Variants in SLC1A4 observed in about 807,000 individuals in gnomAD.
SLC1A4 encodes the protein neutral amino acid transporter A.
In SLC1A4, 19 loss-of-function variants were observed where a neutral mutation model predicts 37.7. The ratio of observed to expected loss-of-function variants is 0.50; its 90% CI spans 0.35 to 0.74. The LOEUF is 0.74. Among genes scored for constraint, SLC1A4 ranks in the 30% least tolerant of loss-of-function variants. The pLI, the probability that SLC1A4 is intolerant of heterozygous loss-of-function variation, is 0.01. For synonymous variants in SLC1A4, 299 were observed against 309.8 expected (o/e 0.97, Z 0.37); for missense variants, 570 against 712.9 (o/e 0.80, Z 2.28).
At chr2:65,004,208 A>G (rs1352245484) in intron 3 of SLC1A4, among the ~76,000 whole-genome samples, 193 bp downstream of exon 3, 5 of 152,186 alleles carry the variant, frequency 3.3e-5, no homozygotes, top group Admixed American at 6.5e-5. Flanking sequence ...AAAGCACTAC[A>G]ATCCTCAGAG....
At position 65,018,737 on chromosome 2, in the gene SLC1A4, T is replaced by C; in HGVS notation, c.1364+58T>C. The C allele has an allele frequency of 5.0e-6, 8 of 1,596,158 alleles. No homozygotes were observed. The South Asian group carries it at 8.9e-5, about 18-fold the overall frequency. On this transcript the variant is annotated intron_variant, in intron 7 of 7. Coordinates refer to ENST00000234256, the MANE Select transcript of SLC1A4 (RefSeq NM_003038.5). This position sits in a 1 kb window ranked among gnomAD's most constrained non-coding sequence, Gnocchi z 4.3. Reference sequence around the variant, plus strand: ...GTCTGCACTGAGTTCCCTAGGAGCTTAGCACTGCTGGGCCTGGGCCATGCA... The same window carrying C: ...GTCTGCACTGAGTTCCCTAGGAGCTCAGCACTGCTGGGCCTGGGCCATGCA...
intron 1 of SLC1A4, among the ~76,000 whole-genome samples, chr2:64,991,593 T>TTTTTTG (rs1553370740): frequency 1.4e-5 from 2 of 143,406 alleles, no homozygotes; most frequent in African/African-American, 5.1e-5. Flanking sequence ...ACACCCAGCT[T>TTTTTTG]TTTGTTTGTT....
chr2:65,021,121 T>C lies in SLC1A4; in HGVS notation c.1574T>C (p.Leu525Pro), dbSNP rs905623996. Residue 525 changes from leucine to proline, a missense_variant, in exon 8 of 8, where the codon CTG becomes CCG. Physicochemically the swap from Leu to Pro is moderately conservative, Grantham distance 98. Coordinates refer to ENST00000234256, the MANE Select transcript of SLC1A4 (RefSeq NM_003038.5). Reference sequence around the variant, plus strand: ...GGCCCCGTGGCCAGTGCCCCAGAACTGGAATCCAAGGAGTCGGTTCTGTGA... The same window carrying C: ...GGCCCCGTGGCCAGTGCCCCAGAACCGGAATCCAAGGAGTCGGTTCTGTGA... ...PAGPVASAPELESKESVL is the reference protein window; with the variant it reads ...PAGPVASAPEPESKESVL The C allele has an allele frequency of 1.9e-6, 3 of 1,614,090 alleles. No homozygotes were observed.
chr2:64,988,909 ATCCTCCCCTC>A (rs1254487375), upstream of SLC1A4, among the ~76,000 whole-genome samples: 1 of 151,406 alleles, frequency 6.6e-6, no homozygotes, highest in East Asian at 2.0e-4. Flanking sequence ...GGAGAGAGGG[ATCCTCCCCTC>A]TCCTCCTCTC....
intron 1 of SLC1A4, chr2:64,994,684 T>C (rs757517945): frequency 6.6e-6 from 1 of 151,542 alleles, no homozygotes; most frequent in Non-Finnish European, 1.5e-5. Flanking sequence ...AAAGAACACA[T>C]TACTTGAATA....
chr2:65,009,295 C>T (rs897700012), intron 3 of SLC1A4, among the ~76,000 whole-genome samples: 2 of 151,970 alleles, frequency 1.3e-5, no homozygotes, highest in African/African-American at 2.4e-5. Flanking sequence ...ATCACTTGAA[C>T]CCAGGAGGTG....
chr2:65,006,982 G>A (rs369054610), intron 3 of SLC1A4, among the ~76,000 whole-genome samples: 8 of 152,214 alleles, frequency 5.3e-5, no homozygotes, highest in African/African-American at 9.7e-5. Context: ...CCTCTGACCC[G>A]TGGCTCTATC....
At chr2:65,019,764 C>T (rs1396345777) in intron 7 of SLC1A4, among the ~76,000 whole-genome samples, 4 of 152,214 alleles carry the variant, frequency 2.6e-5, no homozygotes, top group Non-Finnish European at 5.9e-5. Context: ...CAGAGGCCCC[C>T]TCTCCTTCCT....
chr2:65,010,899 G>T, intron 4 of SLC1A4, 136 bp downstream of exon 4: 1 of 862,400 alleles, frequency 1.2e-6, no homozygotes. Flanking sequence ...CCATGAGCCA[G>T]GCTTGGTACA....
intron 7 of SLC1A4, among the ~76,000 whole-genome samples, chr2:65,019,141 G>A (rs1674308737): frequency 6.6e-6 from 1 of 152,210 alleles, no homozygotes; most frequent in African/African-American, 2.4e-5. Context: ...CTCAGCAGAG[G>A]AGGAGGTAGG....
rs758865060 is a variant in SLC1A4 at position 65,004,458 on chromosome 2, T to A, written c.633+443T>A. Among the ~76,000 whole-genome samples, 70 of 148,830 alleles carry A rather than the reference T, an allele frequency of 4.7e-4. 1 individual carries two copies. The highest frequency in any genetic ancestry group is 6.5e-4 in the African/African-American group (26 of 39,982). On this transcript the variant is annotated intron_variant, in intron 3 of 7. Transcript: ENST00000234256. The stretch of plus-strand genomic sequence containing the variant: ...TATTTATTTATTTATTTATTTATTT[T>A]TTATGTTTTGTAGAGACAAGAGTTT...
Position 65,010,623 on chromosome 2 carries a change from G to C in SLC1A4, c.660G>C (p.Gly220=). ...TCCCCATAGGCACTGAGATAGAAGG[G>C]ATGAACATTTTAGGATTGGTCCTGT... ...EKIPIGTEIE[G]MNILGLVLFA... is the part of the protein sequence containing the mutation. The change falls in exon 4 of 8, where the codon GGG becomes GGC. Residue 220 remains glycine (G), a synonymous_variant. Transcript: ENST00000234256. The C allele has an allele frequency of 6.2e-7, 1 of 1,613,196 alleles. No homozygotes were observed. Among genetic ancestry groups the C allele is most frequent in the Non-Finnish European group, 8.5e-7 (1 of 1,179,584 alleles).
chr2:65,014,470 A>G (rs1674046144), intron 4 of SLC1A4, among the ~76,000 whole-genome samples: 2 of 152,194 alleles, frequency 1.3e-5, no homozygotes, highest in Admixed American at 1.3e-4. Flanking sequence ...TGGGCTGATC[A>G]GTCTTTGTGG....
intron 3 of SLC1A4, among the ~76,000 whole-genome samples, chr2:65,006,711 G>C (rs1673690009): frequency 6.6e-6 from 1 of 151,836 alleles, no homozygotes; most frequent in South Asian, 2.1e-4. Context: ...GGCTGAGGTG[G>C]GAGGATTGCT....
intron 1 of SLC1A4, chr2:64,999,664 G>A (rs924487292): frequency 6.6e-6 from 1 of 151,998 alleles, no homozygotes; most frequent in Non-Finnish European, 1.5e-5. Flanking sequence ...CACCTCTGAG[G>A]TCATGTTGTT....
chr2:65,019,087 G>A (rs944029607), intron 7 of SLC1A4, among the ~76,000 whole-genome samples: 2 of 152,194 alleles, frequency 1.3e-5, no homozygotes, highest in Admixed American at 6.5e-5. Context: ...TTCTGTGAGG[G>A]GAGGGAGGAT....
chr2:65,002,330 G>C (rs1388887492), intron 2 of SLC1A4, among the ~76,000 whole-genome samples: 1 of 93,766 alleles, frequency 1.1e-5, no homozygotes, highest in Non-Finnish European at 2.2e-5. Context: ...AGCATACATA[G>C]TATGGACACA....
chr2:65,008,637 T>C (rs1488728082), intron 3 of SLC1A4, among the ~76,000 whole-genome samples: 1 of 151,948 alleles, frequency 6.6e-6, no homozygotes, highest in Non-Finnish European at 1.5e-5. Context: ...TATAACCCTG[T>C]CTCCAAAAAA....
In SLC1A4 at chr2:64,989,664, C is replaced by A. The variant is rs73934898; in HGVS notation, c.21C>A (p.Thr7=). 0.013 allele frequency: 19,876 copies of A among 1,537,866 alleles called. 910 individuals are homozygous for A. The highest frequency in any genetic ancestry group is 0.11 in the South Asian group (9,196 of 82,606). The stretch of plus-strand genomic sequence containing the variant: ...GCGCCATGGAGAAGAGCAACGAGAC[C>A]AACGGCTACCTTGACAGCGCTCAGG... MEKSNE[T]NGYLDSAQAG... The change falls in exon 1 of 8, where the codon ACC becomes ACA. Residue 7 remains threonine (T), a synonymous_variant. Coordinates refer to ENST00000234256, the MANE Select transcript of SLC1A4 (RefSeq NM_003038.5).
Sources: gnomAD v4.1 joint callset for allele counts (sites outside exome capture counted in the v4.1 genomes callset) on GRCh38, gnomAD v4.1.1 for gene constraint, Gnocchi (gnomAD v3.1) non-coding constraint, MANE v1.5 for transcripts, NCBI Gene and HGNC (gene_info 2026-07-23, HGNC 2026-07-21) for gene names.